The following ELAPOR1 variants were observed in gnomAD, a reference collection of about 807,000 sequenced individuals.
The protein encoded by ELAPOR1 is endosome-lysosome associated apoptosis and autophagy regulator 1, also known as endosome/lysosome-associated apoptosis and autophagy regulator 1.
Under a neutral mutation model 119.7 loss-of-function variants are expected in ELAPOR1, and 77 were observed. The observed-to-expected ratio is 0.64, with a 90% CI of 0.54 to 0.78. The LOEUF is 0.78. Among genes scored for constraint, ELAPOR1 ranks in the 30% least tolerant of loss-of-function variants. The pLI is 0.00. For synonymous variants in ELAPOR1, 481 were observed against 487.2 expected (o/e 0.99, Z 0.17); for missense variants, 1,115 against 1,270.4 (o/e 0.88, Z 1.86).
chr1:109,186,885 C>T (rs981496350), intron 8 of ELAPOR1: 79 of 985,396 alleles, frequency 8.0e-5, no homozygotes, highest in Middle Eastern at 5.2e-4. Context: ...ACTGCCGGGG[C>T]CTTTAGATGC....
At chr1:109,121,037 T>A (rs562387305) in intron 1 of ELAPOR1, among the ~76,000 whole-genome samples, 4 of 152,384 alleles carry the variant, frequency 2.6e-5, no homozygotes, top group Non-Finnish European at 5.9e-5. Context: ...TTCAGGGAAG[T>A]GCCCTGTGGG....
intron 21 of ELAPOR1, chr1:109,201,236 G>T: frequency 2.2e-5 from 10 of 450,866 alleles, no homozygotes; most frequent in Admixed American, 7.8e-5. Context: ...TATTTTCACT[G>T]AAAAGGGAAA....
chr1:109,199,784 C>G, intron 18 of ELAPOR1, 70 bp from the exon 19 acceptor site: 16 of 1,572,204 alleles, frequency 1.0e-5, no homozygotes, highest in Non-Finnish European at 1.3e-5. Flanking sequence ...TATGAGACAA[C>G]AGGCTTCCAA....
At chr1:109,165,270 A>G (rs549599900) in intron 3 of ELAPOR1, among the ~76,000 whole-genome samples, 47 of 152,286 alleles carry the variant, frequency 3.1e-4, no homozygotes, top group African/African-American at 1.1e-3. Context: ...CCTGGATAAC[A>G]GAGCAAGACC....
At chr1:109,152,991 A>G (rs1424506025) in intron 1 of ELAPOR1, among the ~76,000 whole-genome samples, 2 of 151,568 alleles carry the variant, frequency 1.3e-5, no homozygotes, top group Non-Finnish European at 2.9e-5. Context: ...AGGACCACGA[A>G]AAATGAAAAA....
rs1330560817 is a variant in ELAPOR1 at position 109,189,577 on chromosome 1, C to T, written c.1349-15C>T. The T allele has an allele frequency of 6.2e-7, 1 of 1,612,224 alleles. No homozygotes were observed. The highest frequency in any genetic ancestry group is 8.5e-7 in the Non-Finnish European group (1 of 1,178,596). On this transcript the variant is annotated splice_polypyrimidine_tract_variant and intron_variant, in intron 10 of 21. Transcript: ENST00000369939. ...CCAAGAGCACAAGGCATTAACTCTC[C>T]TCTTTCCTTTTCAGGCTGGGAGGTG... is the stretch of plus-strand genomic sequence containing the variant.
At chr1:109,129,558 C>T (rs539745615) in intron 1 of ELAPOR1, among the ~76,000 whole-genome samples, 25 of 152,126 alleles carry the variant, frequency 1.6e-4, no homozygotes, top group Non-Finnish European at 3.4e-4. Flanking sequence ...CGCAAAAAAC[C>T]CAACTTTGAT....
intron 1 of ELAPOR1, among the ~76,000 whole-genome samples, chr1:109,117,247 T>C (rs1648074697): frequency 6.6e-6 from 1 of 152,246 alleles, no homozygotes; most frequent in African/African-American, 2.4e-5. Context: ...CACAGTTTTA[T>C]AATAATCAGG....
In ELAPOR1 at chr1:109,197,510, G is replaced by A. The variant is rs1217139637; in HGVS notation, c.2158G>A (p.Asp720Asn). ...GTCTGTGTGCACCGACAATGTCACT[G>A]ACCTCCGGATTCCTGAGGGTGAGTC... is the stretch of plus-strand genomic sequence containing the variant. The part of the protein sequence containing the change: ...KMSVCTDNVT[D>N]LRIPEGESGF... The change falls in exon 16 of 22, where the codon GAC becomes AAC. Residue 720 changes from aspartate to asparagine, a missense_variant. Transcript: ENST00000369939. 1 of 1,614,146 alleles carries A rather than the reference G, an allele frequency of 6.2e-7. No homozygotes were observed. Among genetic ancestry groups the A allele is most frequent in the African/African-American group, 1.3e-5 (1 of 75,056 alleles).
rs1653313422 is a variant in ELAPOR1, at chr1:109,189,804, G to C, written c.1439+122G>C. 5 of 742,326 alleles carry C rather than the reference G, an allele frequency of 6.7e-6. No homozygotes were observed. In the Admixed American group the frequency reaches 8.4e-5, roughly 13 times the overall value. 46.0% of individuals were successfully genotyped at this position (742,326 alleles called of 1,614,324 possible). The stretch of plus-strand genomic sequence containing the variant: ...GTGTTTCATTTCATTTCAAATGTCA[G>C]TTGAGAACAGAGGGTACAGTTTGAC... On this transcript the variant is annotated intron_variant, in intron 11 of 21. Coordinates refer to ENST00000369939, the MANE Select transcript of ELAPOR1 (RefSeq NM_020775.5).
chr1:109,187,828 A>T (rs1653151728), intron 8 of ELAPOR1, among the ~76,000 whole-genome samples: 1 of 152,180 alleles, frequency 6.6e-6, no homozygotes, highest in South Asian at 2.1e-4. Flanking sequence ...TGGGATTTTC[A>T]CCAGCTGCTT....
intron 7 of ELAPOR1, 82 bp from the exon 8 acceptor site, chr1:109,184,963 G>A: frequency 1.0e-6 from 1 of 1,001,124 alleles, no homozygotes; most frequent in East Asian, 2.4e-5. Flanking sequence ...CCAGGGACTT[G>A]GGAGTCACAG....
intron 21 of ELAPOR1, chr1:109,201,417 G>C (rs1570738038): frequency 2.2e-6 from 1 of 454,740 alleles, no homozygotes; most frequent in East Asian, 7.0e-5. Context: ...TGTGTGGGTG[G>C]GTGAGTATGA....
At chr1:109,170,871 G>C (rs1357982013) in intron 3 of ELAPOR1, among the ~76,000 whole-genome samples, 1 of 152,090 alleles carries the variant, frequency 6.6e-6, no homozygotes, top group African/African-American at 2.4e-5. Flanking sequence ...GGTGGATAGA[G>C]TGAACACGTA....
chr1:109,156,194 T>G (rs1225096178), intron 1 of ELAPOR1, among the ~76,000 whole-genome samples: 1 of 152,110 alleles, frequency 6.6e-6, no homozygotes, highest in Non-Finnish European at 1.5e-5. Context: ...ATTTTGGAGA[T>G]ATTTCTCAAA....
intron 1 of ELAPOR1, among the ~76,000 whole-genome samples, chr1:109,149,950 C>G (rs761413554): frequency 6.6e-6 from 1 of 152,300 alleles, no homozygotes; most frequent in East Asian, 1.9e-4. Flanking sequence ...GATGCAGGTA[C>G]AGTGCCGGGC....
intron 1 of ELAPOR1, among the ~76,000 whole-genome samples, chr1:109,125,022 A>T (rs1648682492): frequency 6.6e-6 from 1 of 151,870 alleles, no homozygotes; most frequent in Admixed American, 6.6e-5. Flanking sequence ...TCCACCTCCC[A>T]GGTTCAAATG....
intron 19 of ELAPOR1, 25 bp downstream of exon 19, chr1:109,200,005 T>C: frequency 6.2e-7 from 1 of 1,613,854 alleles, no homozygotes; most frequent in East Asian, 2.2e-5. Flanking sequence ...GATCGGGCAC[T>C]TCCATGAGAG....
intron 15 of ELAPOR1, among the ~76,000 whole-genome samples, chr1:109,197,139 GAAAAA>G (rs35880289): frequency 7.5e-6 from 1 of 132,690 alleles, no homozygotes; most frequent in Non-Finnish European, 1.6e-5. Flanking sequence ...CTATCTTTAC[GAAAAA>G]AAAAAAAAAA....
Sources: gnomAD v4.1 joint callset for allele counts (sites outside exome capture counted in the v4.1 genomes callset) on GRCh38, gnomAD v4.1.1 for gene constraint, MANE v1.5 for transcripts, NCBI Gene and HGNC (gene_info 2026-07-23, HGNC 2026-07-21) for gene names.